The following SETD2 variants were observed in gnomAD, a reference collection of about 807,000 sequenced individuals.
The protein encoded by SETD2 is histone-lysine N-methyltransferase SETD2.
SETD2 carries 31 observed loss-of-function variants against 242.1 expected under a neutral mutation model. The ratio of observed to expected loss-of-function variants is 0.13; its 90% confidence interval spans 0.10 to 0.17. The LOEUF (loss-of-function observed/expected upper bound fraction) is 0.17. Ranked by LOEUF, SETD2 falls within the 10% of genes least tolerant of loss-of-function variation. The pLI is 1.00. For missense variants in SETD2, 2,481 were observed against 3,046.3 expected (o/e 0.81, Z 4.37); for synonymous variants, 1,006 against 1,066.5 (o/e 0.94, Z 1.11).
intron 14 of SETD2, among the ~76,000 whole-genome samples, chr3:47,060,018 TA>T (rs935389755): frequency 2.0e-4 from 31 of 152,058 alleles, no homozygotes; most frequent in African/African-American, 7.2e-4. Flanking sequence ...CTCCTGACCT[TA>T]GGTGATCCAC....
Position 47,059,616 on chromosome 3 carries a change from C to T in SETD2, c.6294-2126G>A, listed in dbSNP as rs565923009. On this transcript the variant is annotated intron_variant, in intron 14 of 20. Coordinates refer to ENST00000409792, the MANE Select transcript of SETD2 (RefSeq NM_014159.7). ...TGTATTTTTAGTAGAGATGGGGTTT[C>T]ACCATATTGGCCAGACTGGTCTCAA... 4.0e-5 allele frequency among the ~76,000 whole-genome samples: 6 copies of T among 151,830 alleles called. No individual in the cohort carries two copies. The South Asian group carries it at 1.0e-3, about 26-fold the overall frequency.
At chr3:47,060,662 C>CA (rs989750287) in intron 14 of SETD2, among the ~76,000 whole-genome samples, 7 of 151,280 alleles carry the variant, frequency 4.6e-5, no homozygotes, top group African/African-American at 1.5e-4. Flanking sequence ...TCTTAAAATA[C>CA]AAAAAAAATC....
chr3:47,164,188 G>A (rs1290969286), upstream of SETD2, among the ~76,000 whole-genome samples: 2 of 152,072 alleles, frequency 1.3e-5, no homozygotes, highest in African/African-American at 4.8e-5. This position sits in a 1 kb window ranked among gnomAD's most constrained non-coding sequence, Gnocchi z 5.4. Context: ...CCCTTAAAGA[G>A]ACACACACGG....
intron 1 of SETD2, among the ~76,000 whole-genome samples, chr3:47,132,373 G>T (rs539870782): frequency 7.2e-5 from 11 of 152,072 alleles, no homozygotes; most frequent in Admixed American, 1.3e-4. Flanking sequence ...TATAGTCGCA[G>T]CTACTTGGGA....
intron 8 of SETD2, among the ~76,000 whole-genome samples, chr3:47,099,075 G>A (rs547282042): frequency 6.6e-6 from 1 of 152,254 alleles, no homozygotes; most frequent in East Asian, 1.9e-4. Flanking sequence ...ATTTGTCCTA[G>A]ATTATAATCA....
chr3:47,130,388 T>C (rs1282862277), intron 1 of SETD2, among the ~76,000 whole-genome samples: 1 of 152,118 alleles, frequency 6.6e-6, no homozygotes, highest in African/African-American at 2.4e-5. Context: ...CAGAGTATTA[T>C]TTTAGAGTTG....
rs747153225 is a variant in SETD2, at chr3:47,122,292, T to G, written c.2344A>C (p.Arg782=). The G allele has an allele frequency of 3.1e-6, 5 of 1,614,046 alleles. No homozygotes were observed. In the South Asian group the frequency reaches 5.5e-5, roughly 18 times the overall value. Residue 782 remains arginine, a synonymous_variant, in exon 3 of 21, where the codon AGG becomes CGG. Transcript: ENST00000409792. ...KTVVKEPVDT[R]VSCCKTKDSD... is the part of the protein sequence containing the mutation. ...TCTTTGGTTTTGCAGCAAGAAACCC[T>G]CGTATCAACTGGTTCTTTAACTACT...
Position 47,103,361 on chromosome 3 carries a change from A to G in SETD2, c.4902T>C (p.Asn1634=), listed in dbSNP as rs2107688283. 2 of 1,612,144 alleles carry G rather than the reference A, an allele frequency of 1.2e-6. No individual in the cohort carries two copies. Among genetic ancestry groups the G allele is most frequent in the Non-Finnish European group, 1.7e-6 (2 of 1,178,290 alleles). Residue 1634 remains asparagine (N), a synonymous_variant, in exon 7 of 21, where the codon AAT becomes AAC. Coordinates refer to ENST00000409792, the MANE Select transcript of SETD2 (RefSeq NM_014159.7). ...SRFMNHSCEP[N]CETQKWTVNG... is the part of the protein sequence containing the mutation. ...CTCAACTTACTTTTTGGGTTTCACA[A>G]TTTGGTTCACAGCTGTGATTCATGA...
chr3:47,095,692 A>G (rs1207650653), intron 9 of SETD2, among the ~76,000 whole-genome samples: 1 of 152,200 alleles, frequency 6.6e-6, no homozygotes, highest in Non-Finnish European at 1.5e-5. Context: ...TGAAATTAAT[A>G]GCAAAAATTG....
intron 1 of SETD2, among the ~76,000 whole-genome samples, chr3:47,155,889 A>G (rs2044116132): frequency 1.3e-5 from 2 of 151,758 alleles, no homozygotes; most frequent in South Asian, 2.1e-4. Context: ...TCAGTGACTT[A>G]GGTGTAAATG....
chr3:47,094,328 A>C (rs556263362), intron 9 of SETD2, among the ~76,000 whole-genome samples: 1 of 152,360 alleles, frequency 6.6e-6, no homozygotes, highest in Admixed American at 6.5e-5. Context: ...AGTTTGGTTA[A>C]GGAAAGAAGC....
At chr3:47,148,098 T>C (rs1032210760) in intron 1 of SETD2, among the ~76,000 whole-genome samples, 2 of 121,340 alleles carry the variant, frequency 1.6e-5, no homozygotes, top group African/African-American at 6.7e-5. Context: ...AAACTTGTTT[T>C]TTTGGTTGTG....
rs375557161 is a variant in SETD2 at position 47,037,785 on chromosome 3, G to C, written c.7239-8C>G. ...GGATCCCACTGAGTCTGCCTAGAAA[G>C]AGACAAAAACAGCCATGCTGTCAGG... On this transcript the variant is annotated splice_polypyrimidine_tract_variant and splice_region_variant and intron_variant, in intron 17 of 20. Transcript: ENST00000409792. 1 of 1,607,538 alleles carries C rather than the reference G, an allele frequency of 6.2e-7. No individual in the cohort carries two copies. Among genetic ancestry groups the C allele is most frequent in the South Asian group, 1.1e-5 (1 of 90,944 alleles).
At chr3:47,020,101 A>G (rs1285414030) in intron 18 of SETD2, among the ~76,000 whole-genome samples, 2 of 152,190 alleles carry the variant, frequency 1.3e-5, no homozygotes, top group Admixed American at 6.5e-5. Context: ...CAACTTTGAT[A>G]TAGCCACACA....
intron 18 of SETD2, among the ~76,000 whole-genome samples, chr3:47,027,336 CAAAAAAAAAAAAA>C (rs145911577): frequency 1.2e-3 from 121 of 103,698 alleles, no homozygotes; most frequent in East Asian, 4.6e-3. Flanking sequence ...GACTCCATCT[CAAAAAAAAAAAAA>C]AAAAAAAAAA....
intron 5 of SETD2, 64 bp from the exon 6 acceptor site, chr3:47,106,184 T>C: frequency 6.9e-7 from 1 of 1,443,988 alleles, no homozygotes; most frequent in Non-Finnish European, 9.5e-7. Context: ...ACATATATGC[T>C]CAGGCAAAAA....
At chr3:47,136,282 C>T (rs4682852) in intron 1 of SETD2, among the ~76,000 whole-genome samples, 85,175 of 151,942 alleles carry the variant, frequency 0.56, 24,044 homozygotes, top group Non-Finnish European at 0.58. Flanking sequence ...CATAGTCCCT[C>T]CTCCTCATTC....
At chr3:47,029,315 C>T (rs1159619000) in intron 18 of SETD2, among the ~76,000 whole-genome samples, 7 of 151,536 alleles carry the variant, frequency 4.6e-5, no homozygotes, top group Non-Finnish European at 1.0e-4. Context: ...GCTTTGGCAT[C>T]CCAAAGTGCT....
intron 18 of SETD2, among the ~76,000 whole-genome samples, chr3:47,029,459 T>C (rs536910016): frequency 2.0e-5 from 3 of 150,320 alleles, no homozygotes; most frequent in African/African-American, 7.3e-5. Flanking sequence ...GATCAGAAAC[T>C]TATTAAAACA....
Sources: allele counts gnomAD v4.1 joint callset (sites outside exome capture counted in the v4.1 genomes callset), GRCh38; gene constraint gnomAD v4.1.1; non-coding constraint Gnocchi (gnomAD v3.1); transcripts MANE v1.5; gene names NCBI Gene and HGNC (gene_info 2026-07-23, HGNC 2026-07-21).